ZNF347: variants seen among roughly 807,000 people sequenced by gnomAD.
The protein encoded by ZNF347 is CTD-2620I22.7.
ZNF347 carries 19 observed loss-of-function variants against 12.9 expected under a neutral mutation model. The observed-to-expected ratio is 1.47, with a 90% CI of 1.03 to 2.16. The LOEUF is 2.16. ZNF347 is among the 30% of genes most tolerant of loss of function. ZNF347 has a pLI of 0.00. For missense variants in ZNF347, 1,005 were observed against 990.6 expected, an observed-to-expected ratio of 1.01 and a Z score of -0.19; for synonymous variants, 328 against 340.6, an observed-to-expected ratio of 0.96 and a Z score of 0.41.
rs1385493133 is a variant in ZNF347, at chr19:53,143,073, TAC to T, written c.272-519_272-518del. Among the ~76,000 whole-genome samples, 3 of 152,284 alleles carry T rather than the reference TAC, an allele frequency of 2.0e-5. No individual in the cohort carries two copies. In the East Asian group the frequency reaches 5.8e-4, roughly 29 times the overall value. ...CAACAGTTTGTTAAGTGATAGGCAG[TAC>T]ACAACATAAATTGCGACATAAAAAA... On this transcript the variant is annotated intron_variant, in intron 4 of 4. Coordinates refer to ENST00000334197, the MANE Select transcript of ZNF347 (RefSeq NM_032584.3).
At position 53,154,475 on chromosome 19, in the gene ZNF347, G is replaced by A. The variant is rs1216571319; in HGVS notation, c.-46-682C>T. Among the ~76,000 whole-genome samples, 6 of 152,108 alleles carry A rather than the reference G, an allele frequency of 3.9e-5. No individual in the cohort carries two copies. The East Asian group carries it at 1.2e-3, about 29-fold the overall frequency. ...GGGGTTGAAAGCCATGAGCTGAGTT[G>A]ATAAGGAAAGGCAATGAGTGCGGAC... is the stretch of plus-strand genomic sequence containing the variant. On this transcript the variant is annotated intron_variant, in intron 1 of 4. Coordinates refer to ENST00000334197, the MANE Select transcript of ZNF347 (RefSeq NM_032584.3).
In ZNF347 at chr19:53,141,970, C is replaced by G. The variant is rs1376301608; in HGVS notation, c.858G>C (p.Glu286Asp). 43 of 1,613,966 alleles carry G rather than the reference C, an allele frequency of 2.7e-5. No homozygotes were observed. Among genetic ancestry groups the G allele is most frequent in the Non-Finnish European group, 3.6e-5 (42 of 1,180,020 alleles). Residue 286 changes from glutamate (E) to aspartate (D), a missense_variant, in exon 5 of 5, where the codon GAG becomes GAC. By Grantham distance (45) the Glu-to-Asp change is conservative. Coordinates refer to ENST00000334197, the MANE Select transcript of ZNF347 (RefSeq NM_032584.3). ...CACACTCATAACATTTGTAAGGTTT[C>G]TCTTTAGTATGACTTCTCTGATGAC... ...LASHQRSHTK[E>D]KPYKCYECGK...
chr19:53,141,489 G>A lies in ZNF347; in HGVS notation c.1339C>T (p.His447Tyr), dbSNP rs967421855. Residue 447 changes from histidine to tyrosine, a missense_variant, in exon 5 of 5, where the codon CAT becomes TAT. Coordinates refer to ENST00000334197, the MANE Select transcript of ZNF347 (RefSeq NM_032584.3). ...AFGVRSSLAI[H>Y]LVIHTGEKPY... ...TTTTCTCCGGTGTGAATTACCAGAT[G>A]AATAGCTAGGCTTGAACGAACACCA... The A allele has an allele frequency of 6.2e-7, 1 of 1,613,838 alleles. No homozygotes were observed. The highest frequency in any genetic ancestry group is 8.5e-7 in the Non-Finnish European group (1 of 1,180,018).
chr19:53,149,177 CCA>C (rs1423790087), intron 3 of ZNF347, 62 bp downstream of exon 3: 2 of 1,593,114 alleles, frequency 1.3e-6, no homozygotes, highest in African/African-American at 1.4e-5. Flanking sequence ...CCCAGGAGAG[CCA>C]CATGGAAAAT....
intron 4 of ZNF347, among the ~76,000 whole-genome samples, chr19:53,147,562 AAAT>A (rs59684814): frequency 4.0e-5 from 6 of 151,196 alleles, no homozygotes; most frequent in East Asian, 1.9e-4. Flanking sequence ...AGACTATCTC[AAAT>A]AATAATAATA....
Position 53,137,699 on chromosome 19 carries a change from A to G in ZNF347, c.*2609T>C, listed in dbSNP as rs1468213409. The G allele has an allele frequency of 1.3e-5, 2 of 152,208 alleles. No homozygotes were observed. Among genetic ancestry groups the G allele is most frequent in the Admixed American group, 6.5e-5 (1 of 15,286 alleles). The allele number at this position is 152,208 out of a possible 1,614,324, so 9.4% of individuals were successfully genotyped here. A position where few individuals can be genotyped will look rare whatever the true frequency, so the allele number is the denominator to read the frequency against. ...CCTACAAAAACAAAATTTCCATTATATATGTTCATTTTTAAGAGGAAACTC... is the reference window on the plus strand; with the variant it reads ...CCTACAAAAACAAAATTTCCATTATGTATGTTCATTTTTAAGAGGAAACTC... On this transcript the variant is annotated 3_prime_UTR_variant, in exon 5 of 5. Transcript: ENST00000334197.
chr19:53,151,295 G>A (rs961159946), intron 2 of ZNF347, among the ~76,000 whole-genome samples: 2 of 152,122 alleles, frequency 1.3e-5, no homozygotes, highest in Non-Finnish European at 2.9e-5. Flanking sequence ...CAGCACTTTG[G>A]AAGGTCGAGG....
intron 1 of ZNF347, among the ~76,000 whole-genome samples, chr19:53,156,693 G>T (rs1360193694): frequency 6.6e-6 from 1 of 152,136 alleles, no homozygotes; most frequent in Non-Finnish European, 1.5e-5. Flanking sequence ...CAAATTAATA[G>T]AACCTGAGGT....
rs1446259374 is a variant in ZNF347 at position 53,135,331 on chromosome 19, TATATATATAGAG to T, written c.*4965_*4976del. On this transcript the variant is annotated 3_prime_UTR_variant, in exon 5 of 5. Coordinates refer to ENST00000334197, the MANE Select transcript of ZNF347 (RefSeq NM_032584.3). ...ATATATATATATATATATATATATA[TATATATATAGAG>T]AGAGAGAGAGAGAGAGAGAGAGAGA... 27 of 57,748 alleles carry T rather than the reference TATATATATAGAG, an allele frequency of 4.7e-4. No homozygotes were observed. The highest frequency in any genetic ancestry group is 1.1e-3 in the South Asian group (2 of 1,772). The allele number at this position is 57,748 out of a possible 1,614,324, so 3.6% of individuals were successfully genotyped here.
intron 1 of ZNF347, among the ~76,000 whole-genome samples, chr19:53,157,603 CTCTT>C (rs1246484828): frequency 6.6e-6 from 1 of 152,080 alleles, no homozygotes; most frequent in Non-Finnish European, 1.5e-5. Flanking sequence ...ATATTTCTGC[CTCTT>C]TCTTCTCCCA....
At position 53,140,411 on chromosome 19, in the gene ZNF347, G is replaced by T. The variant is rs762975540; in HGVS notation, c.2417C>A (p.Thr806Asn). ...ACCAGTATGGATTGTCTGATGGGTA[G>T]TTAGGCTTGAACAGATACTAAAGGG... is the stretch of plus-strand genomic sequence containing the variant. ...GKPFSICSSLTTHQTIHTGGK... is the reference protein window; with the variant it reads ...GKPFSICSSLNTHQTIHTGGK... The change falls in exon 5 of 5, where the codon ACT becomes AAT. Residue 806 changes from threonine to asparagine, a missense_variant. Transcript: ENST00000334197. 3.7e-6 allele frequency: 6 copies of T among 1,613,888 alleles called. No homozygotes were observed. The highest frequency in any genetic ancestry group is 1.6e-4 in the Middle Eastern group (1 of 6,062).
At position 53,142,439 on chromosome 19, in the gene ZNF347, G is replaced by A. The variant is rs2090435502; in HGVS notation, c.389C>T (p.Ser130Phe). The change falls in exon 5 of 5, where the codon TCC (serine) becomes TTC (phenylalanine). Residue 130 changes from serine to phenylalanine, a missense_variant. By Grantham distance (155) the Ser-to-Phe change is radical (BLOSUM62 -2). Coordinates refer to ENST00000334197, the MANE Select transcript of ZNF347 (RefSeq NM_032584.3). ...RQESQDIEGCSFREVQKNTHG... is the reference protein window; with the variant it reads ...RQESQDIEGCFFREVQKNTHG... ...TGTATTTTTCTGGACTTCCCTGAAG[G>A]AACATCCTTCAATGTCTTGGCTTTC... The A allele has an allele frequency of 1.2e-6, 2 of 1,614,034 alleles. No homozygotes were observed. Among genetic ancestry groups the A allele is most frequent in the African/African-American group, 2.7e-5 (2 of 75,028 alleles).
chr19:53,152,092 CA>C (rs1186310928), intron 2 of ZNF347, among the ~76,000 whole-genome samples: 1,099 of 89,842 alleles, frequency 0.012, 17 homozygotes, highest in African/African-American at 0.044. Context: ...GACTCTGTCT[CA>C]AAAAAAAAAA....
chr19:53,139,228 A>G lies in ZNF347; in HGVS notation c.*1080T>C, dbSNP rs2090404152. 6.6e-6 allele frequency: 1 copy of G among 152,184 alleles called. No homozygotes were observed. Among genetic ancestry groups the G allele is most frequent in the Admixed American group, 6.5e-5 (1 of 15,272 alleles). 9.4% of individuals were successfully genotyped at this position (152,184 alleles called of 1,614,324 possible). A position where few individuals can be genotyped will look rare whatever the true frequency, so the allele number is the denominator to read the frequency against. On this transcript the variant is annotated 3_prime_UTR_variant, in exon 5 of 5. Coordinates refer to ENST00000334197, the MANE Select transcript of ZNF347 (RefSeq NM_032584.3). The stretch of plus-strand genomic sequence containing the variant: ...TCTTTCTCTCAGAAAAGCACCCTGA[A>G]CACAATCAGTATGATGATTGATATC...
rs2090389602 is a variant in ZNF347, at chr19:53,136,685, T to C, written c.*3623A>G. On this transcript the variant is annotated 3_prime_UTR_variant, in exon 5 of 5. Transcript: ENST00000334197. ...TTGGAAAAATGCCCTTTGGCTAAAA[T>C]TGCTTGATCATATTATGTAATAAAC... 6.6e-6 allele frequency: 1 copy of C among 152,214 alleles called. No homozygotes were observed. Among genetic ancestry groups the C allele is most frequent in the South Asian group, 2.1e-4 (1 of 4,830 alleles). The allele number at this position is 152,214 out of a possible 1,614,324, so 9.4% of individuals were successfully genotyped here.
At position 53,141,865 on chromosome 19, in the gene ZNF347, C is replaced by G. The variant is rs770785735; in HGVS notation, c.963G>C (p.Glu321Asp). The G allele has an allele frequency of 1.2e-6, 2 of 1,613,862 alleles. No homozygotes were observed. The highest frequency in any genetic ancestry group is 1.7e-6 in the Non-Finnish European group (2 of 1,179,950). Residue 321 changes from glutamate to aspartate, a missense_variant, in exon 5 of 5, where the codon GAG (glutamate) becomes GAC (aspartate). By Grantham distance (45) the Glu-to-Asp change is conservative (BLOSUM62 2). Transcript: ENST00000334197. ...HTGEKRYKCN[E>D]CGKVFSRNSQ... ...AATTTCGACTAAAGACCTTACCACA[C>G]TCATTACATTTGTAACGTTTTTCGC...
At chr19:53,148,577 T>C (rs1275584100) in intron 4 of ZNF347, 104 bp downstream of exon 4, 1 of 1,264,334 alleles carries the variant, frequency 7.9e-7, no homozygotes, top group African/African-American at 2.0e-5. Context: ...TGTTCTGAGG[T>C]CACAGAATTC....
At chr19:53,152,359 C>T (rs8101245) in intron 2 of ZNF347, among the ~76,000 whole-genome samples, 2 of 151,590 alleles carry the variant, frequency 1.3e-5, no homozygotes, top group East Asian at 2.0e-4. Flanking sequence ...GTAATCCCAG[C>T]GTTTTGGGAG....
intron 2 of ZNF347, among the ~76,000 whole-genome samples, chr19:53,153,283 T>C (rs2090510489): frequency 6.6e-6 from 1 of 152,214 alleles, no homozygotes; most frequent in South Asian, 2.1e-4. Flanking sequence ...GAGCTTCAAA[T>C]GTAATGTAAA....
Sources: gnomAD v4.1 joint callset for allele counts (sites outside exome capture counted in the v4.1 genomes callset) on GRCh38, gnomAD v4.1.1 for gene constraint, MANE v1.5 for transcripts, NCBI Gene and HGNC (gene_info 2026-07-23, HGNC 2026-07-21) for gene names.